LAMA2: variants seen among roughly 807,000 people sequenced by gnomAD.
LAMA2 encodes laminin subunit alpha-2.
A neutral mutation model predicts 364.8 loss-of-function variants in LAMA2; 269 were observed. The observed-to-expected ratio is 0.74, with a 90% CI of 0.67 to 0.82. The LOEUF (loss-of-function observed/expected upper bound fraction) is 0.82. Among genes scored for constraint, LAMA2 ranks in the 40% least tolerant of loss-of-function variants. The probability of loss-of-function intolerance (pLI) is 0.00; values close to 1 mark genes in which losing one functional copy is unlikely to be tolerated. For synonymous variants in LAMA2, 1,379 were observed against 1,370.6 expected (o/e 1.01, Z -0.14); for missense variants, 3,807 against 3,873.2 (o/e 0.98, Z 0.45).
chr6:129,193,676 A>G (rs891714906), intron 12 of LAMA2, among the ~76,000 whole-genome samples: 2 of 152,226 alleles, frequency 1.3e-5, no homozygotes, highest in African/African-American at 2.4e-5. Flanking sequence ...TCACACCAGA[A>G]GGTGTGATGG....
chr6:128,976,521 C>T (rs1054842872), intron 1 of LAMA2, among the ~76,000 whole-genome samples: 15 of 152,296 alleles, frequency 9.8e-5, no homozygotes, highest in African/African-American at 3.6e-4. Flanking sequence ...AAGATATCAA[C>T]ACCAGAGAGG....
In LAMA2 at chr6:128,957,837, T is replaced by TTC. The variant is rs35407431; in HGVS notation, c.112+74481_112+74482insCT. Reference sequence around the variant, plus strand: ...TTCCCAGGCTGTACTACTTCATGCATTTTTTTTTTTTTTTTTTTTTTTGCC... The same window carrying TTC: ...TTCCCAGGCTGTACTACTTCATGCATTCTTTTTTTTTTTTTTTTTTTTTTGCC... On this transcript the variant is annotated intron_variant, in intron 1 of 64. Transcript: ENST00000421865. Among the ~76,000 whole-genome samples the TTC allele has an allele frequency of 2.9e-4, 3 of 10,360 alleles. No individual in the cohort carries two copies. In the Admixed American group the frequency reaches 5.2e-3, roughly 18 times the overall value. The allele number at this position is 10,360 out of a possible 152,430, so 6.8% of individuals were successfully genotyped here. A position where few individuals can be genotyped will look rare whatever the true frequency, so the allele number is the denominator to read the frequency against.
intron 32 of LAMA2, 38 bp downstream of exon 32, chr6:129,353,395 T>G: frequency 1.9e-6 from 3 of 1,544,104 alleles, no homozygotes; most frequent in Non-Finnish European, 2.7e-6. Flanking sequence ...TTGGAGGCCT[T>G]GATTCCAGTT....
At chr6:129,448,132 T>A (rs1376663517) in intron 45 of LAMA2, among the ~76,000 whole-genome samples, 1 of 151,798 alleles carries the variant, frequency 6.6e-6, no homozygotes, top group East Asian at 1.9e-4. Flanking sequence ...TACAAAAAAT[T>A]GAAAAATTAC....
At chr6:129,467,015 C>T (rs1783577054) in intron 51 of LAMA2, among the ~76,000 whole-genome samples, 1 of 151,768 alleles carries the variant, frequency 6.6e-6, no homozygotes, top group Admixed American at 6.6e-5. Context: ...TGTCTCCCCA[C>T]CAACTTCTCT....
At chr6:128,974,651 G>C (rs1020851825) in intron 1 of LAMA2, among the ~76,000 whole-genome samples, 2 of 152,150 alleles carry the variant, frequency 1.3e-5, no homozygotes, top group Admixed American at 6.5e-5. Context: ...TAGTATTAAT[G>C]CTTTGGGAAA....
At chr6:129,210,361 T>G (rs754914114) in intron 12 of LAMA2, among the ~76,000 whole-genome samples, 35 of 151,996 alleles carry the variant, frequency 2.3e-4, no homozygotes, top group Non-Finnish European at 4.4e-4. Context: ...AATACAAATT[T>G]ATTTATCAAT....
chr6:129,146,164 T>C (rs1778419336), intron 5 of LAMA2, among the ~76,000 whole-genome samples: 1 of 151,862 alleles, frequency 6.6e-6, no homozygotes, highest in African/African-American at 2.4e-5. Context: ...ATCTGTTTTT[T>C]TTGTGTGTGT....
chr6:129,160,801 GATTT>G (rs1288714374), intron 8 of LAMA2, among the ~76,000 whole-genome samples: 3 of 151,518 alleles, frequency 2.0e-5, no homozygotes, highest in Non-Finnish European at 4.4e-5. Flanking sequence ...TTTCTCTTGT[GATTT>G]ATTTTTTGTT....
At chr6:129,246,142 C>T (rs985476683) in intron 12 of LAMA2, among the ~76,000 whole-genome samples, 3 of 152,026 alleles carry the variant, frequency 2.0e-5, no homozygotes, top group African/African-American at 7.2e-5. Flanking sequence ...GATGTGGTAC[C>T]TTTGGGGTAG....
At chr6:129,021,788 G>C (rs1434683596) in intron 1 of LAMA2, among the ~76,000 whole-genome samples, 1 of 152,186 alleles carries the variant, frequency 6.6e-6, no homozygotes, top group Middle Eastern at 3.2e-3. Context: ...AGAAAAGCTT[G>C]CTGTGTTCCT....
chr6:129,365,334 T>C (rs1777701714), intron 32 of LAMA2, among the ~76,000 whole-genome samples: 1 of 152,152 alleles, frequency 6.6e-6, no homozygotes, highest in African/African-American at 2.4e-5. Flanking sequence ...GAAAACACTA[T>C]AGAAAGAAAA....
chr6:129,490,117 G>T (rs1784786925), intron 56 of LAMA2, among the ~76,000 whole-genome samples: 1 of 152,168 alleles, frequency 6.6e-6, no homozygotes, highest in Non-Finnish European at 1.5e-5. Context: ...AAATGATCTA[G>T]ATTTGATGTT....
At chr6:128,988,618 T>C (rs911459758) in intron 1 of LAMA2, among the ~76,000 whole-genome samples, 3 of 152,204 alleles carry the variant, frequency 2.0e-5, no homozygotes, top group Admixed American at 6.5e-5. Context: ...ATTGGGATTT[T>C]CACAATTCTT....
At chr6:128,907,619 C>T (rs1391050487) in intron 1 of LAMA2, among the ~76,000 whole-genome samples, 2 of 151,948 alleles carry the variant, frequency 1.3e-5, no homozygotes, top group South Asian at 2.1e-4. Flanking sequence ...AATTGAATAC[C>T]CTTTATTTCC....
chr6:129,366,232 G>A lies in LAMA2; in HGVS notation c.4731G>A (p.Glu1577=). Residue 1577 remains glutamate (E), a synonymous_variant, in exon 33 of 65, where the codon GAG becomes GAA. Coordinates refer to ENST00000421865, the MANE Select transcript of LAMA2 (RefSeq NM_000426.4). The part of the protein sequence containing the change: ...EGWECVFCGD[E]CTGLLLGDLA... ...TCTCTTTCACAGTTTGTGGAGATGA[G>A]TGCACTGGCCTTCTTCTCGGTGACT... 1 of 1,613,794 alleles carries A rather than the reference G, an allele frequency of 6.2e-7. No individual in the cohort carries two copies. Among genetic ancestry groups the A allele is most frequent in the Non-Finnish European group, 8.5e-7 (1 of 1,179,932 alleles).
intron 1 of LAMA2, among the ~76,000 whole-genome samples, chr6:128,954,433 G>A (rs556553451): frequency 2.0e-5 from 3 of 152,032 alleles, no homozygotes; most frequent in South Asian, 4.1e-4. Context: ...GAAATTCTTT[G>A]TGTCTTAGGA....
At chr6:129,452,412 A>C (rs1673461721) in intron 45 of LAMA2, among the ~76,000 whole-genome samples, 1 of 152,174 alleles carries the variant, frequency 6.6e-6, no homozygotes, top group African/African-American at 2.4e-5. Context: ...CAACTTCATG[A>C]AAAGGTACAA....
chr6:129,465,397 G>A (rs112216106), intron 51 of LAMA2, 108 bp downstream of exon 51: 1 of 981,262 alleles, frequency 1.0e-6, no homozygotes, highest in South Asian at 1.3e-5. Context: ...CTACTCACGA[G>A]TTCAGTGAAA....
Sources: allele counts gnomAD v4.1 joint callset (sites outside exome capture counted in the v4.1 genomes callset), GRCh38; gene constraint gnomAD v4.1.1; transcripts MANE v1.5; gene names NCBI Gene and HGNC (gene_info 2026-07-23, HGNC 2026-07-21).